PABPC4L: variants seen among roughly 807,000 people sequenced by gnomAD.
The protein encoded by PABPC4L is poly(A) binding protein cytoplasmic 4 like.
For missense variants in PABPC4L, 452 were observed against 451.4 expected (o/e 1.00, Z -0.01); for synonymous variants, 169 against 164.1 (o/e 1.03, Z -0.23).
At chr4:134,165,835 G>T in the PABPC4L span, among the ~76,000 whole-genome samples, 2 of 152,058 alleles carry the variant, frequency 1.3e-5, 1 homozygote, top group African/African-American at 4.8e-5. Context: ...ACTTGCACAC[G>T]TATGCTTATC....
chr4:134,033,432 A>G, the PABPC4L span, among the ~76,000 whole-genome samples: 1 of 151,860 alleles, frequency 6.6e-6, no homozygotes, highest in Non-Finnish European at 1.5e-5. Context: ...CATATATTTC[A>G]CTTTAAACCA....
At position 134,201,006 on chromosome 4, in the gene PABPC4L, G is replaced by A. The variant is rs377443239; in HGVS notation, c.14C>T (p.Ala5Val). MNVA[A>V]KYRMASLYVG... ...ATACAGGGAGGCCATGCGGTACTTG[G>A]CTGCTACATTCATCTCCTTGTCCTT... The change falls in exon 2 of 2, where the codon GCC becomes GTC. Residue 5 changes from alanine (A) to valine (V), a missense_variant. Transcript: ENST00000421491. 6.4e-7 allele frequency: 1 copy of A among 1,551,808 alleles called. No individual in the cohort carries two copies. Among genetic ancestry groups the A allele is most frequent in the African/African-American group, 1.4e-5 (1 of 73,028 alleles).
At chr4:134,195,594 C>T (rs1214900255), downstream of PABPC4L, among the ~76,000 whole-genome samples, 4 of 151,720 alleles carry the variant, frequency 2.6e-5, no homozygotes, top group Admixed American at 2.6e-4. Context: ...GATGGAATAT[C>T]ATTGTACAAA....
At chr4:134,193,657 T>C (rs1729576204), downstream of PABPC4L, among the ~76,000 whole-genome samples, 1 of 151,956 alleles carries the variant, frequency 6.6e-6, no homozygotes, top group African/African-American at 2.4e-5. Flanking sequence ...GGCATCAATA[T>C]TTAATCTAGT....
chr4:134,024,290 C>T, the PABPC4L span, among the ~76,000 whole-genome samples: 1 of 152,102 alleles, frequency 6.6e-6, no homozygotes, highest in African/African-American at 2.4e-5. Flanking sequence ...ACCTCATTTT[C>T]CCCACTTGTC....
chr4:134,198,368 T>G lies in PABPC4L; in HGVS notation c.*1539A>C, dbSNP rs1244828964. On this transcript the variant is annotated 3_prime_UTR_variant, in exon 2 of 2. Coordinates refer to ENST00000421491, the MANE Select transcript of PABPC4L (RefSeq NM_001114734.2). Reference sequence around the variant, plus strand: ...TCATTGTCCATAATTTTTTATGGACTAAAAGATTTTCATTTTAGAAAATGT... The same window carrying G: ...TCATTGTCCATAATTTTTTATGGACGAAAAGATTTTCATTTTAGAAAATGT... The G allele has an allele frequency of 1.3e-5, 2 of 151,672 alleles. No individual in the cohort carries two copies. The highest frequency in any genetic ancestry group is 4.8e-5 in the African/African-American group (2 of 41,428). 9.4% of individuals were successfully genotyped at this position (151,672 alleles called of 1,614,324 possible).
At chr4:133,974,593 C>T in the PABPC4L span, among the ~76,000 whole-genome samples, 1 of 151,974 alleles carries the variant, frequency 6.6e-6, no homozygotes, top group Non-Finnish European at 1.5e-5. Flanking sequence ...AGATAACCAA[C>T]ATAATAGAAA....
At chr4:134,182,949 C>T in the PABPC4L span, among the ~76,000 whole-genome samples, 2 of 151,554 alleles carry the variant, frequency 1.3e-5, no homozygotes, top group Non-Finnish European at 3.0e-5. Flanking sequence ...TAAAAAGTCA[C>T]AAAATAACAG....
chr4:134,012,941 C>T, the PABPC4L span, among the ~76,000 whole-genome samples: 9 of 152,080 alleles, frequency 5.9e-5, no homozygotes, highest in Non-Finnish European at 1.0e-4. Flanking sequence ...AAAACTCTGG[C>T]GCCGGTCATG....
chr4:134,107,089 T>C, the PABPC4L span, among the ~76,000 whole-genome samples: 1 of 151,442 alleles, frequency 6.6e-6, no homozygotes, highest in Admixed American at 6.6e-5. Context: ...ATTAAAATAC[T>C]GTACCATTTT....
chr4:134,166,128 C>T, the PABPC4L span, among the ~76,000 whole-genome samples: 1 of 152,000 alleles, frequency 6.6e-6, no homozygotes, highest in Non-Finnish European at 1.5e-5. Context: ...GAGGCAGAAG[C>T]CAGGAGGGTT....
At chr4:134,094,280 AC>A in the PABPC4L span, among the ~76,000 whole-genome samples, 1 of 151,946 alleles carries the variant, frequency 6.6e-6, no homozygotes, top group Non-Finnish European at 1.5e-5. Flanking sequence ...ATAGCCATTC[AC>A]TTACAGCTGC....
At chr4:134,064,931 G>GT in the PABPC4L span, among the ~76,000 whole-genome samples, 26 of 151,442 alleles carry the variant, frequency 1.7e-4, no homozygotes, top group South Asian at 6.3e-4. Context: ...ATATGATTTT[G>GT]TTTTTTTTGG....
At chr4:134,145,810 C>G in the PABPC4L span, among the ~76,000 whole-genome samples, 2 of 151,828 alleles carry the variant, frequency 1.3e-5, no homozygotes, top group Non-Finnish European at 2.9e-5. Flanking sequence ...TTCTTGAGGC[C>G]TATAATAAAT....
the PABPC4L span, among the ~76,000 whole-genome samples, chr4:134,104,575 G>A: frequency 6.6e-6 from 1 of 151,630 alleles, no homozygotes; most frequent in East Asian, 1.9e-4. Flanking sequence ...TCCCAACTTG[G>A]TTGGTTAAAC....
chr4:134,071,625 C>T, the PABPC4L span, among the ~76,000 whole-genome samples: 130 of 152,174 alleles, frequency 8.5e-4, 1 homozygote, highest in African/African-American at 3.1e-3. Context: ...TGACTTTAGG[C>T]ATGAGGCTGA....
chr4:134,167,216 T>C, the PABPC4L span, among the ~76,000 whole-genome samples: 1 of 152,190 alleles, frequency 6.6e-6, no homozygotes, highest in Non-Finnish European at 1.5e-5. Context: ...CTGTGTGTGT[T>C]AATGATGTAT....
the PABPC4L span, among the ~76,000 whole-genome samples, chr4:133,954,356 C>G: frequency 1.3e-5 from 2 of 152,152 alleles, no homozygotes; most frequent in Non-Finnish European, 2.9e-5. Flanking sequence ...GAGCATAACC[C>G]ATCTCTTCTT....
At chr4:133,967,894 C>T in the PABPC4L span, among the ~76,000 whole-genome samples, 2 of 152,090 alleles carry the variant, frequency 1.3e-5, no homozygotes, top group Non-Finnish European at 1.5e-5. Context: ...AAGGTTTAGT[C>T]TTATGAAATA....
Sources: gnomAD v4.1 joint callset for allele counts (sites outside exome capture counted in the v4.1 genomes callset) on GRCh38, gnomAD v4.1.1 for gene constraint, MANE v1.5 for transcripts, NCBI Gene and HGNC (gene_info 2026-07-23, HGNC 2026-07-21) for gene names.